NADK2: variants seen among roughly 807,000 people sequenced by gnomAD.
NADK2 encodes the protein NAD kinase domain-containing protein 1, mitochondrial.
In NADK2, 35 loss-of-function variants were observed where a neutral mutation model predicts 62.1. The observed-to-expected ratio is 0.56, with a 90% confidence interval of 0.43 to 0.75. The LOEUF is 0.75. Among genes scored for constraint, NADK2 ranks in the 30% least tolerant of loss-of-function variants. The pLI, the probability that NADK2 is intolerant of heterozygous loss-of-function variation, is 0.00. For missense variants in NADK2, 439 were observed against 561.3 expected (o/e 0.78, Z 2.20); for synonymous variants, 205 against 207.9 (o/e 0.99, Z 0.12).
intron 3 of NADK2, among the ~76,000 whole-genome samples, chr5:36,225,949 A>G (rs554920579): frequency 6.6e-6 from 1 of 152,326 alleles, no homozygotes; most frequent in Admixed American, 6.5e-5. Flanking sequence ...CTATTAGCCA[A>G]TCTTCTTTCC....
intron 8 of NADK2, among the ~76,000 whole-genome samples, chr5:36,202,264 A>G (rs894748638): frequency 2.6e-5 from 4 of 152,090 alleles, no homozygotes; most frequent in Non-Finnish European, 5.9e-5. Flanking sequence ...ACTGAGTATC[A>G]CATCTTCATC....
At chr5:36,233,812 T>A (rs936696280) in intron 1 of NADK2, among the ~76,000 whole-genome samples, 2 of 152,170 alleles carry the variant, frequency 1.3e-5, no homozygotes, top group East Asian at 3.9e-4. Context: ...GGCTACAAGA[T>A]GAACTTCACG....
At position 36,241,429 on chromosome 5, in the gene NADK2, C is replaced by G. The variant is rs1269281396; in HGVS notation, c.300+70G>C. The G allele has an allele frequency of 6.9e-7, 1 of 1,457,338 alleles. No homozygotes were observed. The highest frequency in any genetic ancestry group is 9.0e-7 in the Non-Finnish European group (1 of 1,107,552). 90.3% of individuals were successfully genotyped at this position (1,457,338 alleles called of 1,614,324 possible). A position where few individuals can be genotyped will look rare whatever the true frequency, so the allele number is the denominator to read the frequency against. ...GAAGAGTCGTCCCGAGAGGTCCCCC[C>G]GAGGGGGCGCAGCCGCCACCAGAGC... On this transcript the variant is annotated intron_variant, in intron 1 of 11. Coordinates refer to ENST00000381937, the MANE Select transcript of NADK2 (RefSeq NM_001085411.3). This position sits in a 1 kb window ranked among gnomAD's most constrained non-coding sequence, Gnocchi z 4.9.
intron 4 of NADK2, among the ~76,000 whole-genome samples, chr5:36,220,502 T>C (rs1747224337): frequency 6.6e-6 from 1 of 152,194 alleles, no homozygotes; most frequent in East Asian, 1.9e-4. Flanking sequence ...GTAAATCAAC[T>C]TGTAAGCGTG....
intron 1 of NADK2, among the ~76,000 whole-genome samples, chr5:36,234,543 G>T (rs1281947338): frequency 5.9e-5 from 9 of 152,054 alleles, no homozygotes. Flanking sequence ...ACTTGTTTAT[G>T]GATACTGTCA....
chr5:36,224,876 TGGTCTTTTTATTAAGATA>T (rs939534127), intron 4 of NADK2, among the ~76,000 whole-genome samples: 8 of 152,294 alleles, frequency 5.3e-5, no homozygotes, highest in African/African-American at 1.4e-4. Flanking sequence ...GTGTTTTTAT[TGGTCTTTTTATTAAGATA>T]GGTCTTTTTA....
intron 1 of NADK2, among the ~76,000 whole-genome samples, chr5:36,234,112 C>T (rs749147100): frequency 2.6e-4 from 39 of 152,016 alleles, no homozygotes; most frequent in Non-Finnish European, 4.6e-4. Context: ...CGGTGGCTCA[C>T]GCCTGTAATC....
In NADK2 at chr5:36,241,488, C is replaced by A; in HGVS notation, c.300+11G>T. ...AGCCCGGGAGCGAAGCGGGGCCGAG[C>A]CAGGACCCACCAGCTGCTTCAGGTC... On this transcript the variant is annotated intron_variant, in intron 1 of 11. Coordinates refer to ENST00000381937, the MANE Select transcript of NADK2 (RefSeq NM_001085411.3). The surrounding 1 kb of genome is among the most constrained non-coding windows in gnomAD (Gnocchi z 4.9). 6.5e-7 allele frequency: 1 copy of A among 1,537,184 alleles called. No individual in the cohort carries two copies. The highest frequency in any genetic ancestry group is 8.7e-7 in the Non-Finnish European group (1 of 1,150,154).
intron 10 of NADK2, among the ~76,000 whole-genome samples, chr5:36,198,756 G>A (rs1229425182): frequency 2.0e-5 from 3 of 151,440 alleles, no homozygotes; most frequent in Non-Finnish European, 4.4e-5. Flanking sequence ...TTTACTGCTG[G>A]TGCTAATTCA....
At chr5:36,239,242 A>G (rs1437972365) in intron 1 of NADK2, among the ~76,000 whole-genome samples, 1 of 151,948 alleles carries the variant, frequency 6.6e-6, no homozygotes, top group African/African-American at 2.4e-5. Context: ...TCATCTTATC[A>G]CTCCTATTAC....
intron 11 of NADK2, among the ~76,000 whole-genome samples, chr5:36,196,038 T>C (rs574978065): frequency 2.0e-5 from 3 of 152,210 alleles, no homozygotes; most frequent in Admixed American, 6.5e-5. Context: ...CACCAAAATT[T>C]ATATCTCTCT....
chr5:36,220,323 C>G (rs1055768166), intron 4 of NADK2, among the ~76,000 whole-genome samples: 1 of 152,146 alleles, frequency 6.6e-6, no homozygotes, highest in African/African-American at 2.4e-5. Flanking sequence ...CAAATTAAAA[C>G]AAACCATTGC....
At position 36,197,602 on chromosome 5, in the gene NADK2, T is replaced by C. The variant is rs374306198; in HGVS notation, c.1129A>G (p.Ile377Val). ...SPEEPKILFS[I>V]REPIANRVFS... ...ACTCTATTTGCTATTGGTTCTCGAA[T>C]ACTGAAAAGTATTTTTGGTTCTTCC... is the stretch of plus-strand genomic sequence containing the variant. The change falls in exon 11 of 12, where the codon ATT becomes GTT. Residue 377 changes from isoleucine (I) to valine (V), a missense_variant. Transcript: ENST00000381937. 15 of 1,611,536 alleles carry C rather than the reference T, an allele frequency of 9.3e-6. No individual in the cohort carries two copies. Among genetic ancestry groups the C allele is most frequent in the African/African-American group, 8.0e-5 (6 of 74,750 alleles).
At chr5:36,199,351 A>AT (rs1395218953) in intron 10 of NADK2, among the ~76,000 whole-genome samples, 3 of 151,962 alleles carry the variant, frequency 2.0e-5, no homozygotes, top group African/African-American at 7.2e-5. Flanking sequence ...GTGTCTATAT[A>AT]TTTTTTGTCA....
intron 6 of NADK2, among the ~76,000 whole-genome samples, chr5:36,216,886 G>A (rs1579617692): frequency 6.6e-6 from 1 of 152,042 alleles, no homozygotes; most frequent in Admixed American, 6.6e-5. Flanking sequence ...AGTAATAGAA[G>A]TTCATGTGCA....
chr5:36,204,846 GA>G (rs969114817), intron 8 of NADK2, among the ~76,000 whole-genome samples: 2 of 151,978 alleles, frequency 1.3e-5, no homozygotes, highest in African/African-American at 4.8e-5. Context: ...GAGGTAACAA[GA>G]TTGGGCATGT....
At chr5:36,224,041 A>G (rs1747379032) in intron 4 of NADK2, among the ~76,000 whole-genome samples, 2 of 152,148 alleles carry the variant, frequency 1.3e-5, no homozygotes, top group Admixed American at 1.3e-4. Context: ...AGAAAGAAGG[A>G]TAAGGGAAGC....
intron 8 of NADK2, among the ~76,000 whole-genome samples, chr5:36,206,128 C>T (rs187149686): frequency 6.6e-6 from 1 of 152,034 alleles, no homozygotes; most frequent in East Asian, 1.9e-4. Flanking sequence ...GAACATCACA[C>T]ACTGGGGCCT....
chr5:36,216,504 C>T (rs1231493567), intron 6 of NADK2, among the ~76,000 whole-genome samples: 1 of 152,060 alleles, frequency 6.6e-6, no homozygotes, highest in Admixed American at 6.6e-5. Flanking sequence ...GACCAACGTG[C>T]TGAATAATTT....
Sources: allele counts gnomAD v4.1 joint callset (sites outside exome capture counted in the v4.1 genomes callset), GRCh38; gene constraint gnomAD v4.1.1; non-coding constraint Gnocchi (gnomAD v3.1); transcripts MANE v1.5; gene names NCBI Gene and HGNC (gene_info 2026-07-23, HGNC 2026-07-21).